The following AGAP1 variants were observed in gnomAD, a reference collection of about 807,000 sequenced individuals.
The protein encoded by AGAP1 is arf-GAP with GTPase, ANK repeat and PH domain-containing protein 1.
A neutral mutation model predicts 105.3 loss-of-function variants in AGAP1; 29 were observed. The observed-to-expected ratio is 0.28, with a 90% confidence interval of 0.21 to 0.38. AGAP1 has a LOEUF of 0.38. AGAP1 is among the 10% of genes least tolerant of loss of function. The probability of loss-of-function intolerance (pLI) is 1.00; values close to 1 mark genes in which losing one functional copy is unlikely to be tolerated. For missense variants in AGAP1, 998 were observed against 1,165.1 expected (o/e 0.86, Z 2.09); for synonymous variants, 509 against 485.9 (o/e 1.05, Z -0.63).
chr2:235,837,922 C>A (rs960378130), intron 9 of AGAP1, among the ~76,000 whole-genome samples: 7 of 152,130 alleles, frequency 4.6e-5, no homozygotes, highest in Non-Finnish European at 1.0e-4. Flanking sequence ...GTGGCTCACA[C>A]CTGTAGTCCC....
chr2:235,838,995 G>A (rs1233158362), intron 9 of AGAP1, among the ~76,000 whole-genome samples: 3 of 152,146 alleles, frequency 2.0e-5, no homozygotes, highest in African/African-American at 7.2e-5. Context: ...AAGCTAACGC[G>A]GGTGTACGTG....
rs751157333 is a variant in AGAP1, at chr2:236,130,268, T to G, written c.*6146T>G. On this transcript the variant is annotated 3_prime_UTR_variant, in exon 18 of 18. Transcript: ENST00000304032. This position sits in a 1 kb window ranked among gnomAD's most constrained non-coding sequence, Gnocchi z 5.8. ...TCATTTTGGCCTGGCACAGGGTACC[T>G]GTAGGGAGCACTCCCCCAACCTGAG... 3 of 152,108 alleles carry G rather than the reference T, an allele frequency of 2.0e-5. No homozygotes were observed. Among genetic ancestry groups the G allele is most frequent in the Non-Finnish European group, 2.9e-5 (2 of 68,098 alleles). 9.4% of individuals were successfully genotyped at this position (152,108 alleles called of 1,614,324 possible). A position where few individuals can be genotyped will look rare whatever the true frequency, so the allele number is the denominator to read the frequency against.
At position 235,963,846 on chromosome 2, in the gene AGAP1, A is replaced by G. The variant is rs909775406; in HGVS notation, c.1484-4616A>G. Among the ~76,000 whole-genome samples the G allele has an allele frequency of 6.6e-6, 1 of 152,214 alleles. No individual in the cohort carries two copies. Among genetic ancestry groups the G allele is most frequent in the African/African-American group, 2.4e-5 (1 of 41,460 alleles). On this transcript the variant is annotated intron_variant, in intron 12 of 17. Coordinates refer to ENST00000304032, the MANE Select transcript of AGAP1 (RefSeq NM_001037131.3). This position sits in a 1 kb window ranked among gnomAD's most constrained non-coding sequence, Gnocchi z 5.1. ...GACATAGAGTGGTGGCCTGGAATAG[A>G]GAGCCTAGCGGTAGACCTACCACGC... is the stretch of plus-strand genomic sequence containing the variant.
At chr2:235,678,524 G>A (rs1342874995) in intron 1 of AGAP1, among the ~76,000 whole-genome samples, 2 of 152,158 alleles carry the variant, frequency 1.3e-5, no homozygotes, top group East Asian at 1.9e-4. Flanking sequence ...TCGGGCTGGC[G>A]AGGGATTGTT....
rs912744918 is a variant in AGAP1, at chr2:236,044,144, G to A, written c.1891+3303G>A. On this transcript the variant is annotated intron_variant, in intron 15 of 17. Coordinates refer to ENST00000304032, the MANE Select transcript of AGAP1 (RefSeq NM_001037131.3). The surrounding 1 kb of genome is among the most constrained non-coding windows in gnomAD (Gnocchi z 5.7). ...GTGAATTTGGGAAACTCTTAACAAC[G>A]TCCGACTCCCAGGAAGTTGCAGCCT... 5.3e-5 allele frequency among the ~76,000 whole-genome samples: 8 copies of A among 152,232 alleles called. No homozygotes were observed. The South Asian group carries it at 6.2e-4, about 12-fold the overall frequency.
Position 235,609,497 on chromosome 2 carries a change from G to A in AGAP1, c.164-99682G>A, listed in dbSNP as rs185560052. Among the ~76,000 whole-genome samples the A allele has an allele frequency of 1.3e-5, 2 of 152,174 alleles. No homozygotes were observed. The highest frequency in any genetic ancestry group is 3.9e-4 in the East Asian group (2 of 5,162). On this transcript the variant is annotated intron_variant, in intron 1 of 17. Coordinates refer to ENST00000304032, the MANE Select transcript of AGAP1 (RefSeq NM_001037131.3). The surrounding 1 kb of genome is among the most constrained non-coding windows in gnomAD (Gnocchi z 5.1). ...CTGTGGAAGAAGTGCGAGAGGGAGT[G>A]GGGAAGGCAGGCTGGGCGTGCTGTG...
At chr2:235,852,791 A>G in intron 9 of AGAP1, 1 of 1,534,750 alleles carries the variant, frequency 6.5e-7, no homozygotes, top group Admixed American at 2.1e-5. Context: ...GGGTGGTCAG[A>G]CCAGCCCGCA....
chr2:235,674,714 G>A (rs1460363078), intron 1 of AGAP1, among the ~76,000 whole-genome samples: 1 of 130,754 alleles, frequency 7.6e-6, no homozygotes, highest in Admixed American at 7.6e-5. Flanking sequence ...TTTTTTTGAT[G>A]GAGTCTCACT....
intron 16 of AGAP1, among the ~76,000 whole-genome samples, chr2:236,103,228 G>A (rs1364584819): frequency 3.3e-5 from 5 of 152,070 alleles, no homozygotes; most frequent in Non-Finnish European, 7.4e-5. Context: ...CTGCCTCCCA[G>A]AAAAAGGAAA....
intron 1 of AGAP1, among the ~76,000 whole-genome samples, chr2:235,680,818 G>C (rs1223005593): frequency 6.6e-6 from 1 of 152,200 alleles, no homozygotes; most frequent in East Asian, 1.9e-4. Context: ...CGGGCTCCCA[G>C]AGGTTCAGCT....
chr2:235,944,115 A>T (rs1436053880), intron 12 of AGAP1, among the ~76,000 whole-genome samples: 1 of 152,238 alleles, frequency 6.6e-6, no homozygotes, highest in Non-Finnish European at 1.5e-5. Flanking sequence ...CGGGATTTTT[A>T]AAATCTTACT....
intron 1 of AGAP1, among the ~76,000 whole-genome samples, chr2:235,534,986 G>C (rs1230091052): frequency 6.6e-6 from 1 of 152,154 alleles, no homozygotes; most frequent in Non-Finnish European, 1.5e-5. Flanking sequence ...CCAGCCCTTA[G>C]GGAGCAGCCC....
intron 1 of AGAP1, among the ~76,000 whole-genome samples, chr2:235,561,383 C>T (rs1433294222): frequency 6.6e-6 from 1 of 152,070 alleles, no homozygotes; most frequent in African/African-American, 2.4e-5. Flanking sequence ...ATTTAGGGGG[C>T]GAGGTTGGGA....
At chr2:235,626,981 G>A (rs926254882) in intron 1 of AGAP1, among the ~76,000 whole-genome samples, 2 of 151,488 alleles carry the variant, frequency 1.3e-5, no homozygotes, top group East Asian at 1.9e-4. Context: ...TCATTCCAGC[G>A]CATAGATATG....
intron 11 of AGAP1, among the ~76,000 whole-genome samples, chr2:235,924,149 ACTAC>A (rs2052331629): frequency 6.6e-6 from 1 of 152,112 alleles, no homozygotes; most frequent in Admixed American, 6.5e-5. Context: ...CTTGCAAGAT[ACTAC>A]CTTAAGTCTA....
chr2:235,780,823 C>T (rs553391143), intron 6 of AGAP1, among the ~76,000 whole-genome samples: 3 of 152,160 alleles, frequency 2.0e-5, no homozygotes, highest in South Asian at 2.1e-4. Flanking sequence ...TGATCCTGGC[C>T]GAGGCTGGGG....
In AGAP1 at chr2:235,750,439, C is replaced by T. The variant is rs560372408; in HGVS notation, c.624C>T (p.Tyr208=). The T allele has an allele frequency of 2.5e-5, 41 of 1,614,166 alleles. No homozygotes were observed. In the African/African-American group the frequency reaches 2.8e-4, roughly 11 times the overall value. ...ACGACCTGAAACGGTGCACGTACTA[C>T]GAGACGTGTGCTACATACGGGCTGA... The part of the protein sequence containing the change: ...LSNDLKRCTY[Y]ETCATYGLNV... The change falls in exon 6 of 18, where the codon TAC becomes TAT. Residue 208 remains tyrosine, a synonymous_variant. Transcript: ENST00000304032. This position sits in a 1 kb window ranked among gnomAD's most constrained non-coding sequence, Gnocchi z 5.3.
Position 235,733,305 on chromosome 2 carries a change from GA to G in AGAP1, c.311-7653del, listed in dbSNP as rs1209760410. ...TATTTCCATTCCTCAGTCAGGAGAC[GA>G]AAAAGATGAGGCCACGGCTGCCCCT... On this transcript the variant is annotated intron_variant, in intron 3 of 17. Coordinates refer to ENST00000304032, the MANE Select transcript of AGAP1 (RefSeq NM_001037131.3). This position sits in a 1 kb window ranked among gnomAD's most constrained non-coding sequence, Gnocchi z 5.0. Among the ~76,000 whole-genome samples the G allele has an allele frequency of 6.6e-6, 1 of 152,138 alleles. No individual in the cohort carries two copies. The highest frequency in any genetic ancestry group is 1.5e-5 in the Non-Finnish European group (1 of 68,028).
At chr2:236,115,376 G>A (rs1159351746) in intron 16 of AGAP1, among the ~76,000 whole-genome samples, 1 of 152,118 alleles carries the variant, frequency 6.6e-6, no homozygotes, top group African/African-American at 2.4e-5. Context: ...TATTAGAAAG[G>A]CGAACGTCTA....
Sources: allele counts gnomAD v4.1 joint callset (sites outside exome capture counted in the v4.1 genomes callset), GRCh38; gene constraint gnomAD v4.1.1; non-coding constraint Gnocchi (gnomAD v3.1); transcripts MANE v1.5; gene names NCBI Gene and HGNC (gene_info 2026-07-23, HGNC 2026-07-21).